WLS: variants seen among roughly 807,000 people sequenced by gnomAD.
WLS encodes Wnt ligand secretion mediator.
A neutral mutation model predicts 62.8 loss-of-function variants in WLS; 23 were observed. That is an observed-to-expected ratio of 0.37 (90% CI 0.26 to 0.52). The LOEUF (loss-of-function observed/expected upper bound fraction) is 0.52. WLS is among the 20% of genes least tolerant of loss of function. The pLI is 0.92. For missense variants in WLS, 615 were observed against 697.3 expected, an observed-to-expected ratio of 0.88 and a Z score of 1.33; for synonymous variants, 246 against 244.1, an observed-to-expected ratio of 1.01 and a Z score of -0.07.
intron 1 of WLS, among the ~76,000 whole-genome samples, chr1:68,231,314 C>A (rs1166458935): frequency 6.6e-6 from 1 of 151,960 alleles, no homozygotes; most frequent in Non-Finnish European, 1.5e-5. Context: ...GCGCTGTCGC[C>A]GAGGAGGCCG....
At chr1:68,164,222 A>G (rs936132050) in intron 2 of WLS, among the ~76,000 whole-genome samples, 23 of 151,770 alleles carry the variant, frequency 1.5e-4, no homozygotes, top group African/African-American at 5.4e-4. Context: ...TCACAAGGGG[A>G]AAAAACTAAC....
chr1:68,197,475 A>G (rs575868620), intron 1 of WLS, among the ~76,000 whole-genome samples: 21 of 152,292 alleles, frequency 1.4e-4, no homozygotes, highest in African/African-American at 5.1e-4. Context: ...CATAACTTCA[A>G]AACCTGAAGA....
chr1:68,189,691 T>C (rs1648179316), intron 2 of WLS, among the ~76,000 whole-genome samples: 1 of 152,174 alleles, frequency 6.6e-6, no homozygotes, highest in African/African-American at 2.4e-5. Flanking sequence ...ATAAATATAA[T>C]TGGATAATTG....
chr1:68,132,004 AC>A (rs1646533583), intron 11 of WLS, among the ~76,000 whole-genome samples: 5 of 152,304 alleles, frequency 3.3e-5, no homozygotes, highest in Middle Eastern at 3.4e-3. Context: ...TGTTTAGGAC[AC>A]CCTGTCTGTA....
chr1:68,181,638 G>A (rs17130552), intron 2 of WLS, among the ~76,000 whole-genome samples: 32,529 of 151,988 alleles, frequency 0.21, 3,585 homozygotes, highest in East Asian at 0.37. Context: ...GGTGGTGCAC[G>A]TGTTGTTAGG....
intron 2 of WLS, among the ~76,000 whole-genome samples, chr1:68,180,800 G>A (rs568892713): frequency 6.6e-6 from 1 of 152,228 alleles, no homozygotes; most frequent in Non-Finnish European, 1.5e-5. Flanking sequence ...ACCTGGTGTT[G>A]GGTCTGATCA....
At chr1:68,201,199 T>C (rs1648995855) in intron 1 of WLS, among the ~76,000 whole-genome samples, 1 of 152,170 alleles carries the variant, frequency 6.6e-6, no homozygotes, top group Non-Finnish European at 1.5e-5. Flanking sequence ...AGCTGTGAGG[T>C]CTTATGAGCC....
At position 68,229,748 on chromosome 1, in the gene WLS, A is replaced by G. The variant is rs556671291; in HGVS notation, c.106+2446T>C. On this transcript the variant is annotated intron_variant, in intron 1 of 11. Transcript: ENST00000262348. ...AATTACTGTTTAAGTGAAAGAGGAAAGGCTAAGTCACTGTTCAACATGGGC... is the reference window on the plus strand; with the variant it reads ...AATTACTGTTTAAGTGAAAGAGGAAGGGCTAAGTCACTGTTCAACATGGGC... Among the ~76,000 whole-genome samples, 35 of 152,340 alleles carry G rather than the reference A, an allele frequency of 2.3e-4. No homozygotes were observed. In the East Asian group the frequency reaches 5.4e-3, roughly 23 times the overall value.
intron 1 of WLS, among the ~76,000 whole-genome samples, chr1:68,207,331 AT>A: frequency 6.6e-6 from 1 of 152,290 alleles, no homozygotes; most frequent in South Asian, 2.1e-4. Context: ...TCCAGCCTCT[AT>A]TTTTTAGGAT....
intron 2 of WLS, among the ~76,000 whole-genome samples, chr1:68,188,780 A>G (rs1648119027): frequency 6.6e-6 from 1 of 152,236 alleles, no homozygotes; most frequent in Non-Finnish European, 1.5e-5. Flanking sequence ...AGGGCAGGAA[A>G]CTACTCCTTT....
intron 11 of WLS, among the ~76,000 whole-genome samples, chr1:68,102,243 G>A (rs942161651): frequency 3.0e-5 from 4 of 131,462 alleles, no homozygotes; most frequent in Non-Finnish European, 6.0e-5. Flanking sequence ...GTTATTTCCT[G>A]CCCCTTCCTC....
intron 6 of WLS, among the ~76,000 whole-genome samples, chr1:68,149,918 C>T (rs1019765659): frequency 6.6e-6 from 1 of 152,156 alleles, no homozygotes; most frequent in Admixed American, 6.5e-5. Context: ...CTCATGAAAA[C>T]CCCATGCAGT....
chr1:68,212,659 T>C (rs1649561845), intron 1 of WLS, among the ~76,000 whole-genome samples: 1 of 152,220 alleles, frequency 6.6e-6, no homozygotes, highest in Non-Finnish European at 1.5e-5. Flanking sequence ...TTATTAATGA[T>C]GTTTTTATAT....
chr1:68,231,865 G>T (rs753383400), intron 1 of WLS: 16 of 313,888 alleles, frequency 5.1e-5, no homozygotes, highest in African/African-American at 8.6e-5. Flanking sequence ...AGCGGGGGGG[G>T]GGGGGGGCGA....
intron 1 of WLS, among the ~76,000 whole-genome samples, chr1:68,196,391 T>C (rs892702834): frequency 4.6e-5 from 7 of 152,056 alleles, no homozygotes; most frequent in Non-Finnish European, 1.0e-4. Flanking sequence ...TTATGGTTTA[T>C]GTGTGTGGTT....
At chr1:68,158,933 G>C (rs1317009918) in intron 3 of WLS, among the ~76,000 whole-genome samples, 190 bp downstream of exon 3, 1 of 152,306 alleles carries the variant, frequency 6.6e-6, no homozygotes, top group East Asian at 1.9e-4. Context: ...AATCTTAACA[G>C]TAATAGGCAA....
At chr1:68,158,619 TATA>T (rs1284089754) in intron 3 of WLS, among the ~76,000 whole-genome samples, 2 of 151,698 alleles carry the variant, frequency 1.3e-5, no homozygotes. Context: ...AAAAAGAAAT[TATA>T]ATGTTTTAAG....
chr1:68,132,025 T>G (rs1334803869), intron 11 of WLS, among the ~76,000 whole-genome samples: 1 of 152,192 alleles, frequency 6.6e-6, no homozygotes, highest in Non-Finnish European at 1.5e-5. Context: ...AGTATTCGTA[T>G]AGCAACTCTA....
At chr1:68,131,062 T>TTGTGTGTGTGTGTG (rs6143260) in intron 11 of WLS, among the ~76,000 whole-genome samples, 85 of 146,148 alleles carry the variant, frequency 5.8e-4, no homozygotes, top group East Asian at 2.2e-3. Flanking sequence ...CCAGCTAATT[T>TTGTGTGTGTGTGTG]TGTGTGTGTG....
Sources: gnomAD v4.1 joint callset for allele counts (sites outside exome capture counted in the v4.1 genomes callset) on GRCh38, gnomAD v4.1.1 for gene constraint, MANE v1.5 for transcripts, NCBI Gene and HGNC (gene_info 2026-07-23, HGNC 2026-07-21) for gene names.